The following CCSER1 variants were observed in gnomAD, a reference collection of about 807,000 sequenced individuals.
The protein encoded by CCSER1 is serine-rich coiled-coil domain-containing protein 1.
A neutral mutation model predicts 82.0 loss-of-function variants in CCSER1; 41 were observed. The ratio of observed to expected loss-of-function variants is 0.50; its 90% CI spans 0.39 to 0.65. The LOEUF (loss-of-function observed/expected upper bound fraction) is 0.65, where lower values mean the gene tolerates loss of function less well. Ranked by LOEUF, CCSER1 falls within the 30% of genes least tolerant of loss-of-function variation. CCSER1 has a pLI of 0.00. For missense variants in CCSER1, 1,119 were observed against 1,064.2 expected (o/e 1.05, Z -0.72); for synonymous variants, 414 against 383.9 (o/e 1.08, Z -0.92).
At chr4:90,887,387 C>A (rs1722289648) in intron 8 of CCSER1, among the ~76,000 whole-genome samples, 1 of 152,126 alleles carries the variant, frequency 6.6e-6, no homozygotes, top group Non-Finnish European at 1.5e-5. Flanking sequence ...AGAAGTTGTG[C>A]AAAATGATTC....
chr4:91,482,408 CA>C (rs537828832), intron 10 of CCSER1, among the ~76,000 whole-genome samples: 8,129 of 69,564 alleles, frequency 0.12, 95 homozygotes, highest in Middle Eastern at 0.24. Flanking sequence ...GACTCCGTCT[CA>C]AAAAAAAAAA....
At chr4:90,920,705 C>T (rs1728250127) in intron 8 of CCSER1, among the ~76,000 whole-genome samples, 1 of 151,804 alleles carries the variant, frequency 6.6e-6, no homozygotes, top group Non-Finnish European at 1.5e-5. Context: ...TGTATTTTAC[C>T]TATAGAATGC....
chr4:90,539,189 C>G (rs544703250), intron 5 of CCSER1, among the ~76,000 whole-genome samples: 2 of 151,720 alleles, frequency 1.3e-5, no homozygotes, highest in Non-Finnish European at 2.9e-5. Context: ...CTTTTATAAT[C>G]CTAGGTATTT....
chr4:91,297,422 TGTTA>T (rs1744300798), intron 10 of CCSER1, among the ~76,000 whole-genome samples: 5 of 135,628 alleles, frequency 3.7e-5, no homozygotes, highest in African/African-American at 8.4e-5. Context: ...TGTGTGTGTG[TGTTA>T]GGGAGACAGA....
At chr4:90,911,700 C>T (rs1386369507) in intron 8 of CCSER1, among the ~76,000 whole-genome samples, 4 of 152,182 alleles carry the variant, frequency 2.6e-5, no homozygotes, top group Non-Finnish European at 5.9e-5. Flanking sequence ...ACCCAGGAAG[C>T]TCAAGGGGTC....
At chr4:90,313,090 C>T in intron 3 of CCSER1, 43 bp downstream of exon 3, 4 of 1,421,966 alleles carry the variant, frequency 2.8e-6, no homozygotes, top group Non-Finnish European at 3.9e-6. Flanking sequence ...ATAATGCTGT[C>T]TATATCCGAC....
intron 5 of CCSER1, among the ~76,000 whole-genome samples, chr4:90,507,709 A>T (rs1457820004): frequency 2.0e-5 from 3 of 152,060 alleles, no homozygotes; most frequent in Non-Finnish European, 4.4e-5. Flanking sequence ...TCAAGGTAGG[A>T]CTGTTCCTCA....
At chr4:91,502,929 A>G (rs946031083) in intron 10 of CCSER1, among the ~76,000 whole-genome samples, 8 of 152,218 alleles carry the variant, frequency 5.3e-5, no homozygotes, top group Non-Finnish European at 8.8e-5. Context: ...AAATATATTT[A>G]TAGCCTGCAT....
At chr4:90,226,115 A>G (rs549539197) in intron 1 of CCSER1, among the ~76,000 whole-genome samples, 1 of 152,314 alleles carries the variant, frequency 6.6e-6, no homozygotes, top group East Asian at 1.9e-4. Flanking sequence ...GCTCAGCTGA[A>G]TCACCAGGTG....
chr4:90,455,310 C>T (rs1184457889), intron 4 of CCSER1, among the ~76,000 whole-genome samples: 3 of 152,156 alleles, frequency 2.0e-5, no homozygotes, highest in East Asian at 1.9e-4. Flanking sequence ...CAGATTTTCT[C>T]CAGAGTCTGA....
At chr4:91,095,012 T>G (rs1037639175) in intron 10 of CCSER1, among the ~76,000 whole-genome samples, 6 of 152,132 alleles carry the variant, frequency 3.9e-5, no homozygotes, top group African/African-American at 2.4e-5. Context: ...AAAACCTGCT[T>G]GGCGGAGACT....
chr4:91,426,389 T>C (rs1205552833), intron 10 of CCSER1, among the ~76,000 whole-genome samples: 3 of 152,174 alleles, frequency 2.0e-5, no homozygotes, highest in African/African-American at 7.2e-5. Context: ...TTATAATCCT[T>C]TGAGTATACA....
intron 6 of CCSER1, among the ~76,000 whole-genome samples, chr4:90,707,538 A>AAT (rs1553992151): frequency 1.0e-3 from 142 of 138,078 alleles, no homozygotes; most frequent in South Asian, 2.9e-3. Context: ...TTAAAAAAAA[A>AAT]ATATATATAT....
chr4:90,602,994 G>A (rs1279870153), intron 5 of CCSER1, among the ~76,000 whole-genome samples: 1 of 152,162 alleles, frequency 6.6e-6, no homozygotes, highest in Non-Finnish European at 1.5e-5. Context: ...TGGAAAGTAA[G>A]CAGATCTGTT....
intron 10 of CCSER1, among the ~76,000 whole-genome samples, chr4:91,486,396 A>AT (rs1758222053): frequency 6.6e-6 from 1 of 152,012 alleles, no homozygotes; most frequent in Non-Finnish European, 1.5e-5. Flanking sequence ...TTTTTGAAAT[A>AT]TTACAATGCC....
intron 9 of CCSER1, among the ~76,000 whole-genome samples, chr4:91,047,078 C>A (rs999041750): frequency 6.6e-6 from 1 of 152,020 alleles, no homozygotes; most frequent in African/African-American, 2.4e-5. Flanking sequence ...CAGTTACATT[C>A]CCCCCAACCC....
intron 5 of CCSER1, among the ~76,000 whole-genome samples, chr4:90,557,112 A>G (rs565380615): frequency 1.3e-4 from 20 of 151,994 alleles, no homozygotes; most frequent in Admixed American, 1.3e-3. Context: ...GAAATAATCT[A>G]GATTTATAAC....
At chr4:90,192,594 T>C (rs970715655) in intron 1 of CCSER1, among the ~76,000 whole-genome samples, 1 of 152,052 alleles carries the variant, frequency 6.6e-6, no homozygotes, top group Non-Finnish European at 1.5e-5. Context: ...ATATGACAAA[T>C]AGGGATAATA....
chr4:90,248,083 ATATATTTAGCTATTTCTTTGATTAGATT>A (rs1362649051), intron 1 of CCSER1, among the ~76,000 whole-genome samples: 1 of 152,146 alleles, frequency 6.6e-6, no homozygotes, highest in Non-Finnish European at 1.5e-5. Context: ...AGTTGGGCAA[ATATATTTAGCTATTTCTTTGATTAGATT>A]TATAGGTTTC....
Sources: allele counts gnomAD v4.1 joint callset (sites outside exome capture counted in the v4.1 genomes callset), GRCh38; gene constraint gnomAD v4.1.1; transcripts MANE v1.5; gene names NCBI Gene and HGNC (gene_info 2026-07-23, HGNC 2026-07-21).